The following CIMIP6 variants were observed in gnomAD, a reference collection of about 807,000 sequenced individuals.
CIMIP6 encodes ciliary microtubule inner protein 6.
chr2:54,377,959 G>C, the CIMIP6 span, among the ~76,000 whole-genome samples: 1 of 152,208 alleles, frequency 6.6e-6, no homozygotes, highest in South Asian at 2.1e-4. Flanking sequence ...TGACATACGT[G>C]AAACACCCAG....
chr2:54,331,030 C>T, the CIMIP6 span: 4 of 1,612,940 alleles, frequency 2.5e-6, no homozygotes, highest in Non-Finnish European at 2.5e-6. Flanking sequence ...TGTCTTATTT[C>T]CCTTTCCAAA....
chr2:54,344,446 A>C, the CIMIP6 span, among the ~76,000 whole-genome samples: 1 of 152,182 alleles, frequency 6.6e-6, no homozygotes, highest in Admixed American at 6.6e-5. Flanking sequence ...AGAATAAAGA[A>C]GCAATTTCTA....
chr2:54,333,356 G>A, the CIMIP6 span, among the ~76,000 whole-genome samples: 1 of 152,170 alleles, frequency 6.6e-6, no homozygotes, highest in Non-Finnish European at 1.5e-5. Flanking sequence ...TAAATATCCT[G>A]AGCCAGCTGT....
the CIMIP6 span, among the ~76,000 whole-genome samples, chr2:54,359,974 C>T: frequency 6.6e-6 from 1 of 152,196 alleles, no homozygotes; most frequent in African/African-American, 2.4e-5. Context: ...CTTTGACATT[C>T]TGCCTTTTTC....
chr2:54,337,827 G>T, the CIMIP6 span, among the ~76,000 whole-genome samples: 6 of 152,156 alleles, frequency 3.9e-5, no homozygotes, highest in Admixed American at 2.6e-4. Context: ...ATCTGTCAGT[G>T]AATATGAATG....
the CIMIP6 span, among the ~76,000 whole-genome samples, chr2:54,374,182 T>C: frequency 6.6e-6 from 1 of 152,222 alleles, no homozygotes; most frequent in African/African-American, 2.4e-5. Context: ...ATACTCTCCA[T>C]AGTAACTGAT....
the CIMIP6 span, chr2:54,358,854 T>C: frequency 1.9e-6 from 1 of 538,498 alleles, no homozygotes; most frequent in Non-Finnish European, 3.2e-6. Flanking sequence ...TCTTGCATAC[T>C]TCAAGAATTT....
At chr2:54,379,461 G>A in the CIMIP6 span, among the ~76,000 whole-genome samples, 7 of 152,156 alleles carry the variant, frequency 4.6e-5, no homozygotes, top group Non-Finnish European at 1.0e-4. Context: ...GCAGGCTTTT[G>A]AATCAGATTC....
At chr2:54,345,689 C>G in the CIMIP6 span, among the ~76,000 whole-genome samples, 1 of 152,150 alleles carries the variant, frequency 6.6e-6, no homozygotes, top group Non-Finnish European at 1.5e-5. Context: ...TGCATATACT[C>G]ATAACCAGTA....
the CIMIP6 span, among the ~76,000 whole-genome samples, chr2:54,348,571 T>C: frequency 6.6e-6 from 1 of 152,224 alleles, no homozygotes; most frequent in Non-Finnish European, 1.5e-5. Flanking sequence ...TAAAGTAACA[T>C]GTACTGCACA....
At chr2:54,369,667 G>A in the CIMIP6 span, among the ~76,000 whole-genome samples, 5 of 152,186 alleles carry the variant, frequency 3.3e-5, no homozygotes, top group African/African-American at 9.7e-5. Flanking sequence ...TTTGAAAGGA[G>A]GAAGAAGACT....
the CIMIP6 span, among the ~76,000 whole-genome samples, chr2:54,346,896 C>T: frequency 6.6e-6 from 1 of 152,284 alleles, no homozygotes; most frequent in South Asian, 2.1e-4. Context: ...TTTCAAATTC[C>T]TCACTATGGC....
At chr2:54,344,864 C>T in the CIMIP6 span, among the ~76,000 whole-genome samples, 1 of 152,088 alleles carries the variant, frequency 6.6e-6, no homozygotes, top group Non-Finnish European at 1.5e-5. Context: ...AACAGAAGAT[C>T]TGTTTGGGAA....
the CIMIP6 span, among the ~76,000 whole-genome samples, chr2:54,354,434 A>C: frequency 6.6e-6 from 1 of 152,158 alleles, no homozygotes; most frequent in Non-Finnish European, 1.5e-5. Flanking sequence ...AAAAGTCACC[A>C]TTATAATAAA....
the CIMIP6 span, among the ~76,000 whole-genome samples, chr2:54,377,434 A>G: frequency 7.6e-4 from 116 of 152,066 alleles, no homozygotes; most frequent in African/African-American, 2.7e-3. Flanking sequence ...ACATAATTTT[A>G]TTTATATAAT....
At chr2:54,352,722 A>G in the CIMIP6 span, among the ~76,000 whole-genome samples, 4 of 152,200 alleles carry the variant, frequency 2.6e-5, no homozygotes, top group Non-Finnish European at 5.9e-5. Flanking sequence ...GTAGTGTAGT[A>G]TTTGCATATA....
At chr2:54,380,828 A>G in the CIMIP6 span, among the ~76,000 whole-genome samples, 1 of 152,230 alleles carries the variant, frequency 6.6e-6, no homozygotes, top group African/African-American at 2.4e-5. Flanking sequence ...CCATGGGAAC[A>G]TGGGCACAAA....
At chr2:54,357,695 C>T in the CIMIP6 span, among the ~76,000 whole-genome samples, 1 of 151,788 alleles carries the variant, frequency 6.6e-6, no homozygotes, top group South Asian at 2.1e-4. Context: ...TCCAGCCTCA[C>T]CCTCCTGAGT....
At chr2:54,340,464 T>A in the CIMIP6 span, among the ~76,000 whole-genome samples, 1 of 152,218 alleles carries the variant, frequency 6.6e-6, no homozygotes, top group Admixed American at 6.5e-5. Flanking sequence ...GGCACGCACA[T>A]GTTGCATGGG....
Sources: allele counts gnomAD v4.1 joint callset (sites outside exome capture counted in the v4.1 genomes callset), GRCh38; gene constraint gnomAD v4.1.1; transcripts MANE v1.5; gene names NCBI Gene and HGNC (gene_info 2026-07-23, HGNC 2026-07-21).